The following ERAP1 variants were observed in gnomAD, a reference collection of about 807,000 sequenced individuals.
ERAP1 encodes endoplasmic reticulum aminopeptidase 1, also known as adipocyte-derived leucine aminopeptidase.
In ERAP1, 86 loss-of-function variants were observed where a neutral mutation model predicts 103.7. The observed-to-expected ratio is 0.83, with a 90% CI of 0.70 to 0.99. The LOEUF is 0.99. Ranked by LOEUF, ERAP1 falls within the 50% of genes least tolerant of loss-of-function variation. The pLI, the probability that ERAP1 is intolerant of heterozygous loss-of-function variation, is 0.00. For synonymous variants in ERAP1, 398 were observed against 402.4 expected (o/e 0.99, Z 0.13); for missense variants, 1,009 against 1,128.4 (o/e 0.89, Z 1.52).
the ERAP1 span, among the ~76,000 whole-genome samples, chr5:96,837,379 T>G: frequency 1.3e-5 from 2 of 152,216 alleles, no homozygotes; most frequent in Non-Finnish European, 2.9e-5. Flanking sequence ...TCAGTAGTTA[T>G]ATGTTAATGA....
the ERAP1 span, among the ~76,000 whole-genome samples, chr5:96,874,461 T>C: frequency 6.6e-6 from 1 of 152,338 alleles, no homozygotes; most frequent in African/African-American, 2.4e-5. Flanking sequence ...ATACCTCTTC[T>C]ACCTGCCCCC....
At chr5:96,872,826 A>T in the ERAP1 span, among the ~76,000 whole-genome samples, 1 of 152,202 alleles carries the variant, frequency 6.6e-6, no homozygotes, top group Non-Finnish European at 1.5e-5. Context: ...ATTTTTTAAA[A>T]AATGAAGTCA....
At chr5:96,883,882 C>G in the ERAP1 span, 1 of 1,613,626 alleles carries the variant, frequency 6.2e-7, no homozygotes, top group African/African-American at 1.3e-5. Flanking sequence ...ACTTTTCAAT[C>G]AAGATACGAA....
rs1478692907 is a variant in ERAP1 at position 96,802,974 on chromosome 5, G to A, written c.524+429C>T. Among the ~76,000 whole-genome samples the A allele has an allele frequency of 1.3e-5, 2 of 152,034 alleles. 1 individual carries two copies. Among genetic ancestry groups the A allele is most frequent in the South Asian group, 4.1e-4 (2 of 4,828 alleles). ...AAGATATAAGGAAGGATTCTACCCA[G>A]AGTCTGGAGGGAGCACGGGCCTGCT... On this transcript the variant is annotated intron_variant, in intron 2 of 18. Coordinates refer to ENST00000443439, the MANE Select transcript of ERAP1 (RefSeq NM_001040458.3).
At chr5:96,786,804 A>G in intron 11 of ERAP1, 1 of 440,826 alleles carries the variant, frequency 2.3e-6, no homozygotes, top group South Asian at 2.4e-5. Context: ...AAGCCTTTTT[A>G]CAGTGATTGG....
the ERAP1 span, among the ~76,000 whole-genome samples, chr5:96,897,404 G>A: frequency 6.6e-6 from 1 of 152,110 alleles, no homozygotes; most frequent in Non-Finnish European, 1.5e-5. Context: ...CTTACAGACT[G>A]TTCCAGCCCT....
At chr5:96,848,799 C>T in the ERAP1 span, 1 of 151,440 alleles carries the variant, frequency 6.6e-6, no homozygotes, top group African/African-American at 2.4e-5. Context: ...CAGCATTACC[C>T]TGATATTGAA....
intron 11 of ERAP1, among the ~76,000 whole-genome samples, chr5:96,787,784 T>TACA (rs58711860): frequency 3.3e-5 from 5 of 149,982 alleles, no homozygotes; most frequent in Non-Finnish European, 7.4e-5. Flanking sequence ...GGTGTATATA[T>TACA]TATATATATA....
the ERAP1 span, among the ~76,000 whole-genome samples, chr5:96,832,071 G>GA: frequency 1.7e-4 from 26 of 152,336 alleles, no homozygotes; most frequent in South Asian, 5.2e-3. Context: ...TGGCTTCACA[G>GA]AATGGGTCTG....
chr5:96,811,280 C>A (rs1779139759), upstream of ERAP1, among the ~76,000 whole-genome samples: 1 of 152,256 alleles, frequency 6.6e-6, no homozygotes, highest in East Asian at 1.9e-4. Context: ...TGTTCCAAAA[C>A]AGGCCACTGA....
the ERAP1 span, among the ~76,000 whole-genome samples, chr5:96,874,270 C>T: frequency 6.6e-6 from 1 of 152,184 alleles, no homozygotes; most frequent in South Asian, 2.1e-4. Flanking sequence ...TTGAATCTGG[C>T]TCAATTTTCA....
the ERAP1 span, among the ~76,000 whole-genome samples, chr5:96,894,792 C>T: frequency 6.6e-6 from 1 of 152,124 alleles, no homozygotes; most frequent in East Asian, 1.9e-4. Flanking sequence ...TTATGATTCT[C>T]CTAAGTACCT....
At chr5:96,798,568 G>T (rs1016546621) in intron 3 of ERAP1, among the ~76,000 whole-genome samples, 1 of 131,268 alleles carries the variant, frequency 7.6e-6, no homozygotes, top group Non-Finnish European at 1.7e-5. Flanking sequence ...TACCTCTATT[G>T]CTCTGACCTC....
At chr5:96,933,211 C>CTT in the ERAP1 span, among the ~76,000 whole-genome samples, 2,615 of 72,858 alleles carry the variant, frequency 0.036, 130 homozygotes, top group East Asian at 0.067. Flanking sequence ...AAAACCACGT[C>CTT]TTTTTTTTTT....
the ERAP1 span, among the ~76,000 whole-genome samples, chr5:96,885,256 T>C: frequency 6.6e-6 from 1 of 152,138 alleles, no homozygotes; most frequent in Non-Finnish European, 1.5e-5. Context: ...CTGAGTTTGG[T>C]CAGAAGACCA....
downstream of ERAP1, among the ~76,000 whole-genome samples, chr5:96,770,873 C>G (rs991866410): frequency 6.6e-6 from 1 of 152,082 alleles, no homozygotes; most frequent in Non-Finnish European, 1.5e-5. Flanking sequence ...AATTAAAATA[C>G]CACCATAGTA....
the ERAP1 span, among the ~76,000 whole-genome samples, chr5:96,927,441 T>C: frequency 1.3e-5 from 2 of 152,252 alleles, no homozygotes; most frequent in Admixed American, 1.3e-4. Context: ...CATTGGCCAT[T>C]TGTATATCTT....
chr5:96,826,102 G>A, the ERAP1 span, among the ~76,000 whole-genome samples: 1 of 152,186 alleles, frequency 6.6e-6, no homozygotes, highest in Non-Finnish European at 1.5e-5. Flanking sequence ...TAATGCTGTT[G>A]GTGTTACTGG....
upstream of ERAP1, among the ~76,000 whole-genome samples, chr5:96,811,007 C>T (rs1779116573): frequency 6.6e-6 from 1 of 152,192 alleles, no homozygotes; most frequent in Non-Finnish European, 1.5e-5. Context: ...CCCAGTCAGC[C>T]TTGCCCACTG....
Sources: allele counts gnomAD v4.1 joint callset (sites outside exome capture counted in the v4.1 genomes callset), GRCh38; gene constraint gnomAD v4.1.1; transcripts MANE v1.5; gene names NCBI Gene and HGNC (gene_info 2026-07-23, HGNC 2026-07-21).